HIP1: variants seen among roughly 807,000 people sequenced by gnomAD.
HIP1 encodes huntingtin interacting protein 1.
HIP1 carries 65 observed loss-of-function variants against 147.6 expected under a neutral mutation model. The ratio of observed to expected loss-of-function variants is 0.44; its 90% CI spans 0.36 to 0.54. HIP1 has a LOEUF of 0.54. HIP1 is among the 20% of genes least tolerant of loss of function. HIP1 has a pLI of 0.00. For synonymous variants in HIP1, 479 were observed against 504.0 expected (o/e 0.95, Z 0.67); for missense variants, 1,061 against 1,299.6 (o/e 0.82, Z 2.82).
Position 75,537,678 on chromosome 7 carries a change from G to A in HIP1, c.*494C>T. ...GATCTCAGGGTAGTGTCCTGGTTTG[G>A]AATCCATCAGCCCTCTGATGCTCAC... On this transcript the variant is annotated 3_prime_UTR_variant, in exon 31 of 31. Transcript: ENST00000336926. 2 of 236,424 alleles carry A rather than the reference G, an allele frequency of 8.5e-6. No individual in the cohort carries two copies. Among genetic ancestry groups the A allele is most frequent in the Non-Finnish European group, 1.7e-5 (2 of 120,314 alleles). The allele number at this position is 236,424 out of a possible 1,614,324, so 14.6% of individuals were successfully genotyped here.
In HIP1 at chr7:75,556,108, C is replaced by G. The variant is rs1474606286; in HGVS notation, c.1745G>C (p.Ser582Thr). ...ELEKERDSLV[S>T]GAAHREEELS... ...TTCCTCCTCCCTATGAGCTGCGCCA[C>G]TCACCAGGCTGTCCCGCTCCTTCTC... The change falls in exon 18 of 31, where the codon AGT becomes ACT. Residue 582 changes from serine (S) to threonine (T), a missense_variant. Ser to Thr is a moderately conservative substitution (Grantham distance 58, BLOSUM62 1). Around this residue, in one of 3 missense-constraint regions of HIP1, gnomAD observed 810 missense variants for 946.8 expected, o/e 0.86. Coordinates refer to ENST00000336926, the MANE Select transcript of HIP1 (RefSeq NM_005338.7). 6.2e-7 allele frequency: 1 copy of G among 1,614,234 alleles called. No individual in the cohort carries two copies. Among genetic ancestry groups the G allele is most frequent in the Non-Finnish European group, 8.5e-7 (1 of 1,180,038 alleles).
intron 1 of HIP1, among the ~76,000 whole-genome samples, chr7:75,708,102 G>T (rs1801056138): frequency 6.7e-6 from 1 of 148,260 alleles, no homozygotes; most frequent in Admixed American, 6.6e-5. Flanking sequence ...TGACAAATGG[G>T]ATCTAATTAA....
At chr7:75,603,994 C>T (rs781860839) in intron 1 of HIP1, among the ~76,000 whole-genome samples, 7 of 152,202 alleles carry the variant, frequency 4.6e-5, no homozygotes, top group African/African-American at 7.2e-5. Flanking sequence ...CCTCTTAGCA[C>T]GTCCTTCCCT....
intron 1 of HIP1, among the ~76,000 whole-genome samples, chr7:75,687,031 G>A (rs1800284448): frequency 6.6e-6 from 1 of 151,940 alleles, no homozygotes; most frequent in Admixed American, 6.6e-5. Context: ...TTTCTTTATC[G>A]AGCATTTCTG....
chr7:75,570,294 CTTTT>C (rs782607899), intron 8 of HIP1, among the ~76,000 whole-genome samples: 1 of 135,192 alleles, frequency 7.4e-6, no homozygotes, highest in Non-Finnish European at 1.6e-5. Flanking sequence ...TGACACGTTT[CTTTT>C]TTTTTTTTTT....
At chr7:75,582,799 C>T (rs1240575871) in intron 5 of HIP1, among the ~76,000 whole-genome samples, 3 of 151,952 alleles carry the variant, frequency 2.0e-5, no homozygotes, top group Non-Finnish European at 4.4e-5. Flanking sequence ...AGTGAGACTC[C>T]GTCTCCCCCA....
chr7:75,606,344 C>T (rs1554503819), intron 1 of HIP1, among the ~76,000 whole-genome samples: 2 of 152,014 alleles, frequency 1.3e-5, no homozygotes. Flanking sequence ...CTTTAGGAGG[C>T]CGAGGGGGGC....
At chr7:75,540,546 G>C (rs1235141655) in intron 29 of HIP1, among the ~76,000 whole-genome samples, 1 of 151,984 alleles carries the variant, frequency 6.6e-6, no homozygotes, top group Non-Finnish European at 1.5e-5. Flanking sequence ...AGGAGTTTGA[G>C]GCTGCAGTGA....
intron 1 of HIP1, among the ~76,000 whole-genome samples, chr7:75,640,734 CAGA>C (rs1798621774): frequency 6.7e-6 from 1 of 148,390 alleles, no homozygotes; most frequent in African/African-American, 2.5e-5. Flanking sequence ...GCCTGGATGA[CAGA>C]AGGAGACTCC....
chr7:75,539,459 T>A, intron 29 of HIP1, 28 bp from the exon 30 acceptor site: 1 of 1,516,474 alleles, frequency 6.6e-7, no homozygotes, highest in Non-Finnish European at 9.2e-7. Context: ...TGGGATTTTC[T>A]CTTAATCATC....
At position 75,553,588 on chromosome 7, in the gene HIP1, T is replaced by C. The variant is rs145503151; in HGVS notation, c.2160A>G (p.Ser720=). 6.2e-5 allele frequency: 100 copies of C among 1,613,648 alleles called. No individual in the cohort carries two copies. The highest frequency in any genetic ancestry group is 8.0e-5 in the Non-Finnish European group (94 of 1,179,788). Reference sequence around the variant, plus strand: ...CATACTGCTTACAGGCCTCGGTCAGTGCTGGAGATACAAGGCAATAGACAC... The same window carrying C: ...CATACTGCTTACAGGCCTCGGTCAGCGCTGGAGATACAAGGCAATAGACAC... ...CLRAPPEPAD[S]LTEACKQYGR... is the part of the protein sequence containing the mutation. The change falls in exon 22 of 31, where the codon TCA becomes TCG. Residue 720 remains serine, a splice_region_variant and synonymous_variant. Coordinates refer to ENST00000336926, the MANE Select transcript of HIP1 (RefSeq NM_005338.7).
At position 75,717,065 on chromosome 7, in the gene HIP1, C is replaced by T. The variant is rs192644658; in HGVS notation, c.120+21736G>A. ...AACTCCTGGGCTCAAGCAATCCTCT[C>T]GCCCCTGCCTCCCAAAGTGCTGGAA... is the stretch of plus-strand genomic sequence containing the variant. On this transcript the variant is annotated intron_variant, in intron 1 of 30. Transcript: ENST00000336926. 5.3e-5 allele frequency among the ~76,000 whole-genome samples: 8 copies of T among 152,184 alleles called. No individual in the cohort carries two copies. In the South Asian group the frequency reaches 1.0e-3, roughly 20 times the overall value.
chr7:75,661,272 T>G, intron 1 of HIP1, among the ~76,000 whole-genome samples: 1 of 111,982 alleles, frequency 8.9e-6, no homozygotes, highest in Non-Finnish European at 1.9e-5. Context: ...AATGAGACCC[T>G]GTTAAAAAAA....
At chr7:75,680,409 C>T (rs79439815) in intron 1 of HIP1, among the ~76,000 whole-genome samples, 12,711 of 152,114 alleles carry the variant, frequency 0.084, 642 homozygotes, top group South Asian at 0.12. Context: ...CCTAACAGAT[C>T]CCTTGTCCAC....
intron 1 of HIP1, among the ~76,000 whole-genome samples, chr7:75,699,217 C>A (rs1476982511): frequency 6.6e-6 from 1 of 152,018 alleles, no homozygotes; most frequent in African/African-American, 2.4e-5. Context: ...GTAACTAGGA[C>A]TATAGGCGCT....
intron 1 of HIP1, among the ~76,000 whole-genome samples, chr7:75,719,283 T>C (rs1434793273): frequency 6.6e-6 from 1 of 151,916 alleles, no homozygotes; most frequent in Non-Finnish European, 1.5e-5. Context: ...GGCGGGCGGA[T>C]CATGAGGTCA....
At chr7:75,706,506 T>G (rs1801005060) in intron 1 of HIP1, among the ~76,000 whole-genome samples, 1 of 145,890 alleles carries the variant, frequency 6.9e-6, no homozygotes, top group Non-Finnish European at 1.5e-5. Flanking sequence ...TTTTTTATTT[T>G]TTATTTATTT....
chr7:75,545,558 C>A (rs587661539), intron 25 of HIP1, among the ~76,000 whole-genome samples: 2 of 152,206 alleles, frequency 1.3e-5, no homozygotes, highest in Admixed American at 1.3e-4. Flanking sequence ...AGGACAATCA[C>A]TTGAACCTAG....
intron 2 of HIP1, among the ~76,000 whole-genome samples, chr7:75,595,950 T>C (rs960653389): frequency 3.3e-5 from 5 of 152,092 alleles, no homozygotes; most frequent in African/African-American, 1.2e-4. Context: ...TGATAATAGA[T>C]AAATGCGCTG....
Sources: gnomAD v4.1 joint callset for allele counts (sites outside exome capture counted in the v4.1 genomes callset) on GRCh38, gnomAD v4.1.1 for gene constraint, gnomAD v4.1.1 regional missense constraint, MANE v1.5 for transcripts, NCBI Gene and HGNC (gene_info 2026-07-23, HGNC 2026-07-21) for gene names.